CAMK2A: variants seen among roughly 807,000 people sequenced by gnomAD.
CAMK2A encodes calcium/calmodulin-dependent protein kinase type II subunit alpha.
A neutral mutation model predicts 79.2 loss-of-function variants in CAMK2A; 7 were observed. The ratio of observed to expected loss-of-function variants is 0.09; its 90% CI spans 0.05 to 0.17. The LOEUF (loss-of-function observed/expected upper bound fraction) is 0.17. Among genes scored for constraint, CAMK2A ranks in the 10% least tolerant of loss-of-function variants. The pLI is 1.00. For synonymous variants in CAMK2A, 242 were observed against 251.7 expected, an observed-to-expected ratio of 0.96 and a Z score of 0.36; for missense variants, 214 against 646.4, an observed-to-expected ratio of 0.33 and a Z score of 7.25.
At chr5:150,243,346 G>A (rs958389530) in intron 13 of CAMK2A, among the ~76,000 whole-genome samples, 3 of 152,078 alleles carry the variant, frequency 2.0e-5, no homozygotes, top group Non-Finnish European at 2.9e-5. Context: ...TCCCCAGGGC[G>A]CCCAGCACCC....
intron 1 of CAMK2A, among the ~76,000 whole-genome samples, chr5:150,287,370 A>C (rs1373606471): frequency 2.0e-5 from 3 of 152,212 alleles, no homozygotes; most frequent in African/African-American, 7.2e-5. Flanking sequence ...GACCTAAAAA[A>C]GGTTAAGAGC....
chr5:150,230,374 G>T (rs1754791068), intron 16 of CAMK2A, among the ~76,000 whole-genome samples: 1 of 144,836 alleles, frequency 6.9e-6, no homozygotes, highest in Non-Finnish European at 1.5e-5. Flanking sequence ...GGTCTGCCAA[G>T]CCTTTGAGAG....
intron 1 of CAMK2A, among the ~76,000 whole-genome samples, chr5:150,288,441 A>C (rs1757523074): frequency 6.6e-6 from 1 of 152,150 alleles, no homozygotes; most frequent in Non-Finnish European, 1.5e-5. Context: ...GTGCACATGC[A>C]TGAATGCTTG....
In CAMK2A at chr5:150,264,730, G is replaced by A. The variant is rs538369765; in HGVS notation, c.217+226C>T. ...TGAAACAGCTTTTCCGGAGGCTGCC[G>A]GCAGTGTGGGATGGGAGGAAGGGCC... On this transcript the variant is annotated intron_variant, in intron 3 of 18. Transcript: ENST00000671881. 1.1e-3 allele frequency among the ~76,000 whole-genome samples: 161 copies of A among 152,290 alleles called. 1 individual carries two copies. The highest frequency in any genetic ancestry group is 3.6e-3 in the African/African-American group (148 of 41,576).
chr5:150,264,871 C>A, intron 3 of CAMK2A, 85 bp downstream of exon 3: 4 of 1,029,678 alleles, frequency 3.9e-6, no homozygotes, highest in East Asian at 4.8e-5. Context: ...CTGCTCTCCA[C>A]CCAACCCGCA....
chr5:150,228,836 G>A (rs1754719162), intron 16 of CAMK2A, among the ~76,000 whole-genome samples: 1 of 152,198 alleles, frequency 6.6e-6, no homozygotes. Context: ...CCTTGGCTGT[G>A]AGCCTCAGTT....
chr5:150,226,948 T>C (rs10051498), intron 17 of CAMK2A, among the ~76,000 whole-genome samples: 2,156 of 151,614 alleles, frequency 0.014, 51 homozygotes, highest in African/African-American at 0.05. Flanking sequence ...ATTTTTGTAT[T>C]TTTAGTAGAG....
chr5:150,244,797 C>T (rs1755490215), intron 13 of CAMK2A, among the ~76,000 whole-genome samples: 1 of 152,154 alleles, frequency 6.6e-6, no homozygotes, highest in African/African-American at 2.4e-5. Flanking sequence ...GGAGGTCACC[C>T]CTCATGACCA....
At chr5:150,275,673 T>C (rs1416380591) in intron 1 of CAMK2A, among the ~76,000 whole-genome samples, 2 of 152,168 alleles carry the variant, frequency 1.3e-5, no homozygotes, top group African/African-American at 2.4e-5. Context: ...TGCATGTGTG[T>C]GTGTTTACAT....
At position 150,228,820 on chromosome 5, in the gene CAMK2A, C is replaced by T. The variant is rs578114737; in HGVS notation, c.1143-534G>A. On this transcript the variant is annotated intron_variant, in intron 16 of 18. Coordinates refer to ENST00000671881, the MANE Select transcript of CAMK2A (RefSeq NM_015981.4). ...TTGAACAAAGGTGCCCTATTGTTAACAGCAGCCTTGGCTGTGAGCCTCAGT... is the reference window on the plus strand; with the variant it reads ...TTGAACAAAGGTGCCCTATTGTTAATAGCAGCCTTGGCTGTGAGCCTCAGT... Among the ~76,000 whole-genome samples the T allele has an allele frequency of 2.6e-5, 4 of 152,340 alleles. 1 individual carries two copies. The South Asian group carries it at 8.3e-4, about 32-fold the overall frequency.
chr5:150,229,849 G>A (rs1422062712), intron 16 of CAMK2A, among the ~76,000 whole-genome samples: 1 of 152,154 alleles, frequency 6.6e-6, no homozygotes, highest in Non-Finnish European at 1.5e-5. Context: ...CACCCTCCTT[G>A]TGCACAGTTT....
chr5:150,247,682 T>C, intron 12 of CAMK2A, 90 bp downstream of exon 12: 1 of 1,035,468 alleles, frequency 9.7e-7, no homozygotes, highest in Non-Finnish European at 1.5e-6. Flanking sequence ...CCAGGCCCAG[T>C]GGCCTGGGGG....
chr5:150,282,792 C>A (rs1453394715), intron 1 of CAMK2A, among the ~76,000 whole-genome samples: 1 of 152,228 alleles, frequency 6.6e-6, no homozygotes, highest in Non-Finnish European at 1.5e-5. Context: ...AGGGTAGGGA[C>A]CTAGGGCAGG....
chr5:150,289,688 C>G lies in CAMK2A; in HGVS notation c.-63G>C. 4 of 1,384,466 alleles carry G rather than the reference C, an allele frequency of 2.9e-6. No homozygotes were observed. The highest frequency in any genetic ancestry group is 4.1e-6 in the Non-Finnish European group (4 of 979,984). The allele number at this position is 1,384,466 out of a possible 1,614,324, so 85.8% of individuals were successfully genotyped here. On this transcript the variant is annotated 5_prime_UTR_variant, in exon 1 of 19. Coordinates refer to ENST00000671881, the MANE Select transcript of CAMK2A (RefSeq NM_015981.4). Reference sequence around the variant, plus strand: ...GGACCAGGACTGAGGCGCTGCTGCTCTGCTCCCGAACCTAGGGACCACTTG... The same window carrying G: ...GGACCAGGACTGAGGCGCTGCTGCTGTGCTCCCGAACCTAGGGACCACTTG...
intron 3 of CAMK2A, among the ~76,000 whole-genome samples, chr5:150,258,821 G>A (rs1349102428): frequency 6.6e-6 from 1 of 152,218 alleles, no homozygotes. Flanking sequence ...AGATACCCCA[G>A]AGCTGATGCC....
chr5:150,275,672 G>A (rs1756915703), intron 1 of CAMK2A, among the ~76,000 whole-genome samples: 1 of 152,206 alleles, frequency 6.6e-6, no homozygotes. Context: ...GTGCATGTGT[G>A]TGTGTTTACA....
rs78440254 is a variant in CAMK2A at position 150,284,017 on chromosome 5, G to A, written c.62+5547C>T. Among the ~76,000 whole-genome samples, 253 of 152,318 alleles carry A rather than the reference G, an allele frequency of 1.7e-3. 9 individuals carry two copies. In the East Asian group the frequency reaches 0.026, roughly 16 times the overall value. ...GACCTGGGCTGGGTCTCAGGAGGTT[G>A]GGCTGCACCTGCACTCAGCAGGTTG... On this transcript the variant is annotated intron_variant, in intron 1 of 18. Coordinates refer to ENST00000671881, the MANE Select transcript of CAMK2A (RefSeq NM_015981.4). The surrounding 1 kb of genome is among the most constrained non-coding windows in gnomAD (Gnocchi z 5.3).
rs147816290 is a variant in CAMK2A, at chr5:150,286,910, G to T, written c.62+2654C>A. 4.6e-4 allele frequency among the ~76,000 whole-genome samples: 70 copies of T among 152,358 alleles called. 1 individual carries two copies. The East Asian group carries it at 0.011, about 24-fold the overall frequency. ...GCCCTGGGGGCCTGTCATGTGCCAG[G>T]CTCGAGGCTGCATCTCTACATGCAC... On this transcript the variant is annotated intron_variant, in intron 1 of 18. Coordinates refer to ENST00000671881, the MANE Select transcript of CAMK2A (RefSeq NM_015981.4).
At chr5:150,245,756 C>G (rs1755541359) in intron 12 of CAMK2A, among the ~76,000 whole-genome samples, 1 of 152,256 alleles carries the variant, frequency 6.6e-6, no homozygotes. Context: ...TGCCTCTCTC[C>G]TCAGGCCATA....
Sources: gnomAD v4.1 joint callset for allele counts (sites outside exome capture counted in the v4.1 genomes callset) on GRCh38, gnomAD v4.1.1 for gene constraint, Gnocchi (gnomAD v3.1) non-coding constraint, MANE v1.5 for transcripts, NCBI Gene and HGNC (gene_info 2026-07-23, HGNC 2026-07-21) for gene names.